YTHDF2: variants seen among roughly 807,000 people sequenced by gnomAD.
YTHDF2 encodes YTH domain-containing family protein 2.
A neutral mutation model predicts 50.4 loss-of-function variants in YTHDF2; 2 were observed. The ratio of observed to expected loss-of-function variants is 0.04; its 90% confidence interval spans 0.02 to 0.12. YTHDF2 has a LOEUF of 0.12. YTHDF2 is among the 10% of genes least tolerant of loss of function. The pLI, the probability that YTHDF2 is intolerant of heterozygous loss-of-function variation, is 1.00. For missense variants in YTHDF2, 483 were observed against 722.6 expected, an observed-to-expected ratio of 0.67 and a Z score of 3.80; for synonymous variants, 217 against 255.6, an observed-to-expected ratio of 0.85 and a Z score of 1.44.
At chr1:28,760,605 TCTCA>T (rs2088108541) in intron 4 of YTHDF2, among the ~76,000 whole-genome samples, 1 of 151,732 alleles carries the variant, frequency 6.6e-6, no homozygotes, top group Admixed American at 6.6e-5. Context: ...TGAGACAGAA[TCTCA>T]CTCTGTTGCC....
At chr1:28,754,122 A>G (rs202038200) in intron 4 of YTHDF2, among the ~76,000 whole-genome samples, 17 of 152,358 alleles carry the variant, frequency 1.1e-4, no homozygotes, top group African/African-American at 4.1e-4. Flanking sequence ...TGACCTTGTT[A>G]AGCACCATGC....
At chr1:28,764,909 G>T (rs2088194831) in intron 4 of YTHDF2, among the ~76,000 whole-genome samples, 1 of 151,800 alleles carries the variant, frequency 6.6e-6, no homozygotes, top group Non-Finnish European at 1.5e-5. Context: ...TGTTCTCTAG[G>T]CTGAAGTGCA....
chr1:28,739,849 G>C (rs573157467), intron 3 of YTHDF2, among the ~76,000 whole-genome samples: 2 of 152,288 alleles, frequency 1.3e-5, no homozygotes, highest in African/African-American at 4.8e-5. Flanking sequence ...TATTATCTCT[G>C]ATTCCAAAGA....
Position 28,737,094 on chromosome 1 carries a change from G to A in YTHDF2, c.-27G>A, listed in dbSNP as rs2087700481. 1 of 1,589,666 alleles carries A rather than the reference G, an allele frequency of 6.3e-7. No individual in the cohort carries two copies. The highest frequency in any genetic ancestry group is 1.7e-5 in the Admixed American group (1 of 57,350). ...GCCGCGCTGAGGAGAGTTCGCCGCCGTCGCCGCCCGTGAGGATCTGAGAGC... is the reference window on the plus strand; with the variant it reads ...GCCGCGCTGAGGAGAGTTCGCCGCCATCGCCGCCCGTGAGGATCTGAGAGC... On this transcript the variant is annotated 5_prime_UTR_variant, in exon 1 of 5. Coordinates refer to ENST00000373812, the MANE Select transcript of YTHDF2 (RefSeq NM_016258.3).
At chr1:28,762,622 T>G (rs1289130309) in intron 4 of YTHDF2, among the ~76,000 whole-genome samples, 1 of 152,146 alleles carries the variant, frequency 6.6e-6, no homozygotes, top group African/African-American at 2.4e-5. Flanking sequence ...TTGTGTTTTA[T>G]GGCCCACTTG....
chr1:28,749,380 C>A (rs545795473), intron 4 of YTHDF2, among the ~76,000 whole-genome samples: 12 of 152,032 alleles, frequency 7.9e-5, no homozygotes, highest in Non-Finnish European at 1.5e-4. Flanking sequence ...CGGGTTTTCA[C>A]CGTGTTAGCC....
At chr1:28,750,751 A>G (rs1467576815) in intron 4 of YTHDF2, among the ~76,000 whole-genome samples, 1 of 152,008 alleles carries the variant, frequency 6.6e-6, no homozygotes, top group African/African-American at 2.4e-5. Context: ...TTTACTATAT[A>G]TATATATTAA....
rs2087725208 is a variant in YTHDF2, at chr1:28,738,265, A to G, written c.59A>G (p.Asn20Ser). The G allele has an allele frequency of 1.2e-6, 2 of 1,613,846 alleles. No individual in the cohort carries two copies. The highest frequency in any genetic ancestry group is 1.7e-6 in the Non-Finnish European group (2 of 1,179,770). The stretch of plus-strand genomic sequence containing the variant: ...TGAATTTTTTTTTCTTTAGTACAAA[A>G]TGGATCTGTACATCAAAAGGATGGA... ...RPKGQGNKVQ[N>S]GSVHQKDGLN... is the part of the protein sequence containing the mutation. Residue 20 changes from asparagine (N) to serine (S), a missense_variant, in exon 3 of 5, where the codon AAT (asparagine) becomes AGT (serine). Asn to Ser is a conservative substitution (Grantham distance 46, BLOSUM62 1). Coordinates refer to ENST00000373812, the MANE Select transcript of YTHDF2 (RefSeq NM_016258.3).
intron 4 of YTHDF2, among the ~76,000 whole-genome samples, chr1:28,768,345 G>A (rs2088251989): frequency 1.3e-5 from 2 of 151,790 alleles, no homozygotes; most frequent in Admixed American, 6.6e-5. Context: ...CATAAGTATT[G>A]TAGTCAGATT....
At chr1:28,738,112 C>T in intron 2 of YTHDF2, 147 bp from the exon 3 acceptor site, 2 of 644,702 alleles carry the variant, frequency 3.1e-6, no homozygotes, top group Non-Finnish European at 5.5e-6. Context: ...GTCGCTTCAG[C>T]ATTCACTGTC....
chr1:28,749,993 T>TTG (rs1553144604), intron 4 of YTHDF2, among the ~76,000 whole-genome samples: 1 of 143,158 alleles, frequency 7.0e-6, no homozygotes, highest in Non-Finnish European at 1.5e-5. Context: ...GTTGTTTTTT[T>TTG]TTTTTTTTTT....
At chr1:28,737,194 G>T (rs746796798) in intron 1 of YTHDF2, 47 bp downstream of exon 1, 2 of 1,532,440 alleles carry the variant, frequency 1.3e-6, no homozygotes, top group South Asian at 2.4e-5. Flanking sequence ...AGGCGAGAAG[G>T]AGCCCGACTA....
chr1:28,753,743 G>A (rs932178882), intron 4 of YTHDF2, among the ~76,000 whole-genome samples: 2 of 128,428 alleles, frequency 1.6e-5, no homozygotes, highest in South Asian at 2.5e-4. Flanking sequence ...ATCTCGCTTT[G>A]TCCCCCAGGC....
chr1:28,750,694 C>T (rs556829807), intron 4 of YTHDF2, among the ~76,000 whole-genome samples: 1 of 152,220 alleles, frequency 6.6e-6, no homozygotes, highest in Non-Finnish European at 1.5e-5. Flanking sequence ...GGTGCATTCT[C>T]AGTGAATTTT....
chr1:28,743,000 A>G lies in YTHDF2; in HGVS notation c.730A>G (p.Ser244Gly). 1.2e-6 allele frequency: 2 copies of G among 1,614,162 alleles called. No homozygotes were observed. Among genetic ancestry groups the G allele is most frequent in the East Asian group, 2.2e-5 (1 of 44,886 alleles). Residue 244 changes from serine to glycine, a missense_variant, in exon 4 of 5, where the codon AGC becomes GGC. Around this residue, in one of 4 missense-constraint regions of YTHDF2, gnomAD observed 385 missense variants for 475.8 expected, o/e 0.81. Coordinates refer to ENST00000373812, the MANE Select transcript of YTHDF2 (RefSeq NM_016258.3). The part of the protein sequence containing the change: ...PKPASWADIA[S>G]KPAKQQPKLK... Reference sequence around the variant, plus strand: ...ACCAGCATCTTGGGCTGATATTGCTAGCAAGCCTGCAAAACAGCAACCTAA... The same window carrying G: ...ACCAGCATCTTGGGCTGATATTGCTGGCAAGCCTGCAAAACAGCAACCTAA...
intron 3 of YTHDF2, 97 bp from the exon 4 acceptor site, chr1:28,742,306 T>G: frequency 1.4e-6 from 2 of 1,452,988 alleles, no homozygotes; most frequent in Non-Finnish European, 1.8e-6. Context: ...GCACACTCCT[T>G]TTTATAGTAT....
intron 4 of YTHDF2, among the ~76,000 whole-genome samples, chr1:28,749,082 A>G (rs2087907426): frequency 6.6e-6 from 1 of 152,038 alleles, no homozygotes; most frequent in Non-Finnish European, 1.5e-5. Flanking sequence ...ATATTGCTAC[A>G]TAAACCTTTT....
intron 4 of YTHDF2, among the ~76,000 whole-genome samples, chr1:28,749,123 A>G (rs1370241423): frequency 6.6e-6 from 1 of 150,690 alleles, no homozygotes; most frequent in Non-Finnish European, 1.5e-5. Flanking sequence ...TGTTGAGGGA[A>G]TCATTGTGCA....
rs2087697182 is a variant in YTHDF2, at chr1:28,736,971, G to GC, written c.-148dup. ...TCGCCGAGTCGGAGCCGGAGCCTGA[G>GC]CCGCGCGCTGTGTCTCCGCTGCGTC... is the stretch of plus-strand genomic sequence containing the variant. On this transcript the variant is annotated 5_prime_UTR_variant, in exon 1 of 5. Transcript: ENST00000373812. 1 of 976,822 alleles carries GC rather than the reference G, an allele frequency of 1.0e-6. No individual in the cohort carries two copies. The highest frequency in any genetic ancestry group is 1.5e-6 in the Non-Finnish European group (1 of 665,866). The allele number at this position is 976,822 out of a possible 1,614,324, so 60.5% of individuals were successfully genotyped here.
Sources: allele counts gnomAD v4.1 joint callset (sites outside exome capture counted in the v4.1 genomes callset), GRCh38; gene constraint gnomAD v4.1.1; regional missense constraint gnomAD v4.1.1; transcripts MANE v1.5; gene names NCBI Gene and HGNC (gene_info 2026-07-23, HGNC 2026-07-21).